The following PACRG variants were observed in gnomAD, a reference collection of about 807,000 sequenced individuals.
PACRG encodes parkin coregulated, also known as parkin coregulated gene protein.
In PACRG, 29 loss-of-function variants were observed where a neutral mutation model predicts 29.7. That is an observed-to-expected ratio of 0.98 (90% CI 0.73 to 1.33). The LOEUF (loss-of-function observed/expected upper bound fraction) is 1.33. Ranked by LOEUF, PACRG falls within the 40% of genes most tolerant of loss-of-function variation. The pLI is 0.00. For missense variants in PACRG, 279 were observed against 316.2 expected (o/e 0.88, Z 0.89); for synonymous variants, 116 against 118.7 (o/e 0.98, Z 0.15).
intron 2 of PACRG, among the ~76,000 whole-genome samples, chr6:162,855,391 T>A (rs190815951): frequency 6.6e-6 from 1 of 152,318 alleles, no homozygotes; most frequent in Admixed American, 6.5e-5. Context: ...TTATAGACAC[T>A]CTTCTTTTTT....
At chr6:163,048,403 C>T (rs564195181) in intron 2 of PACRG, among the ~76,000 whole-genome samples, 1 of 152,224 alleles carries the variant, frequency 6.6e-6, no homozygotes, top group South Asian at 2.1e-4. Context: ...TTCCTTTAAT[C>T]TAAAAATGTA....
At chr6:163,102,197 T>TACCTTCTAACCA (rs1815133928) in intron 4 of PACRG, among the ~76,000 whole-genome samples, 1 of 152,170 alleles carries the variant, frequency 6.6e-6, no homozygotes, top group Admixed American at 6.5e-5. Context: ...CCTGCAAACT[T>TACCTTCTAACCA]TATGTTCCTT....
intron 4 of PACRG, among the ~76,000 whole-genome samples, chr6:163,178,936 C>T (rs1345033617): frequency 6.6e-6 from 1 of 152,202 alleles, no homozygotes; most frequent in African/African-American, 2.4e-5. Context: ...TTACAAGTAA[C>T]AATTCCTATT....
intron 2 of PACRG, among the ~76,000 whole-genome samples, chr6:162,904,947 G>A (rs991552194): frequency 6.6e-6 from 1 of 152,204 alleles, no homozygotes; most frequent in African/African-American, 2.4e-5. Flanking sequence ...GGGAGGGGAA[G>A]AGTGATCTAG....
chr6:163,149,279 GGCCCTC>G (rs1261370931), intron 4 of PACRG, among the ~76,000 whole-genome samples: 5 of 151,992 alleles, frequency 3.3e-5, no homozygotes, highest in Non-Finnish European at 7.4e-5. Context: ...CCCAGGCCCC[GGCCCTC>G]CCCAGGCCTC....
At chr6:163,095,795 T>G (rs1222011747) in intron 4 of PACRG, among the ~76,000 whole-genome samples, 1 of 152,210 alleles carries the variant, frequency 6.6e-6, no homozygotes, top group East Asian at 1.9e-4. Context: ...TACTTTATCT[T>G]AACTACTTTC....
chr6:163,068,336 C>T (rs907712117), intron 3 of PACRG, among the ~76,000 whole-genome samples: 4 of 152,250 alleles, frequency 2.6e-5, no homozygotes, highest in East Asian at 1.9e-4. Context: ...ATGTCTCTAT[C>T]GCCTCCAGAG....
At chr6:162,796,097 A>G (rs1584385122) in intron 1 of PACRG, among the ~76,000 whole-genome samples, 3 of 152,144 alleles carry the variant, frequency 2.0e-5, no homozygotes, top group African/African-American at 7.2e-5. Context: ...AGTGCCTCCA[A>G]TAAGAATATT....
chr6:163,080,081 G>A (rs1461468020), intron 3 of PACRG, among the ~76,000 whole-genome samples: 1 of 151,472 alleles, frequency 6.6e-6, no homozygotes, highest in African/African-American at 2.4e-5. Context: ...TGTATTTTTA[G>A]TAGAGACGGG....
At chr6:163,031,431 T>C (rs933945115) in intron 2 of PACRG, among the ~76,000 whole-genome samples, 3 of 152,208 alleles carry the variant, frequency 2.0e-5, no homozygotes, top group African/African-American at 7.2e-5. Context: ...CTGGTTGGTT[T>C]GCAGGAATAA....
rs554582777 is a variant in PACRG, at chr6:163,100,825, A to G, written c.613+11417A>G. On this transcript the variant is annotated intron_variant, in intron 4 of 4. Coordinates refer to ENST00000366888, the MANE Select transcript of PACRG (RefSeq NM_001080379.2). Reference sequence around the variant, plus strand: ...AATAAATGTGGAGTTGAAAAATGCAATGGACATATTCTCTAGAAAAACTGC... The same window carrying G: ...AATAAATGTGGAGTTGAAAAATGCAGTGGACATATTCTCTAGAAAAACTGC... The G allele has an allele frequency of 3.4e-5, 33 of 985,054 alleles. No homozygotes were observed. The South Asian group carries it at 7.5e-4, about 22-fold the overall frequency. The allele number at this position is 985,054 out of a possible 1,614,324, so 61.0% of individuals were successfully genotyped here. A position where few individuals can be genotyped will look rare whatever the true frequency, so the allele number is the denominator to read the frequency against.
At chr6:162,806,416 G>A (rs1239130487) in intron 1 of PACRG, among the ~76,000 whole-genome samples, 15 of 146,442 alleles carry the variant, frequency 1.0e-4, no homozygotes, top group Non-Finnish European at 1.9e-4. Context: ...GGCCTAAAAT[G>A]TATTTCTTAA....
chr6:162,791,487 A>G (rs2128327074), intron 1 of PACRG, among the ~76,000 whole-genome samples: 1 of 152,176 alleles, frequency 6.6e-6, no homozygotes, highest in South Asian at 2.1e-4. Context: ...CAAACAATGT[A>G]TTTATAGATT....
At chr6:163,164,370 C>T (rs956066115) in intron 4 of PACRG, among the ~76,000 whole-genome samples, 10 of 152,292 alleles carry the variant, frequency 6.6e-5, no homozygotes, top group South Asian at 2.1e-4. Context: ...ATATCCTCTA[C>T]GTTGGCCTCT....
chr6:163,175,522 T>G (rs1224923983), intron 4 of PACRG, among the ~76,000 whole-genome samples: 1 of 151,932 alleles, frequency 6.6e-6, no homozygotes, highest in Non-Finnish European at 1.5e-5. Context: ...TTCTTTCTGG[T>G]GGGATGCCAC....
Position 163,314,957 on chromosome 6 carries a change from C to G in PACRG, c.744C>G (p.Val248=), listed in dbSNP as rs374668172. 23 of 1,613,926 alleles carry G rather than the reference C, an allele frequency of 1.4e-5. No individual in the cohort carries two copies. In the African/African-American group the frequency reaches 2.5e-4, roughly 18 times the overall value. The change falls in exon 5 of 5, where the codon GTC becomes GTG. Residue 248 remains valine, a synonymous_variant. Coordinates refer to ENST00000366888, the MANE Select transcript of PACRG (RefSeq NM_001080379.2). ...CCTTTATCAACATTAAGTACGTGGT[C>G]CCAACCTACGAGTCTTGCTTGCTAA... is the stretch of plus-strand genomic sequence containing the variant. ...ENAFINIKYV[V]PTYESCLLN is the part of the protein sequence containing the mutation.
chr6:163,212,805 A>G (rs1781205187), intron 4 of PACRG, among the ~76,000 whole-genome samples: 2 of 147,940 alleles, frequency 1.4e-5, no homozygotes, highest in Non-Finnish European at 3.0e-5. Flanking sequence ...TTTGAGACGG[A>G]GTCTCGCTCA....
chr6:162,757,371 C>A (rs1391352002), intron 1 of PACRG, among the ~76,000 whole-genome samples: 1 of 152,062 alleles, frequency 6.6e-6, no homozygotes, highest in African/African-American at 2.4e-5. Flanking sequence ...AACATGGGGG[C>A]CACACACTGT....
rs546773121 is a variant in PACRG, at chr6:162,953,439, A to G, written c.292-108711A>G. Reference sequence around the variant, plus strand: ...ACTTAGAAGATAATACTGTAAACTAATGATTATTAAATAAAATCAACCTTT... The same window carrying G: ...ACTTAGAAGATAATACTGTAAACTAGTGATTATTAAATAAAATCAACCTTT... On this transcript the variant is annotated intron_variant, in intron 2 of 4. Coordinates refer to ENST00000366888, the MANE Select transcript of PACRG (RefSeq NM_001080379.2). 2.6e-5 allele frequency among the ~76,000 whole-genome samples: 4 copies of G among 152,318 alleles called. No homozygotes were observed. In the South Asian group the frequency reaches 8.3e-4, roughly 32 times the overall value.
Sources: gnomAD v4.1 joint callset for allele counts (sites outside exome capture counted in the v4.1 genomes callset) on GRCh38, gnomAD v4.1.1 for gene constraint, MANE v1.5 for transcripts, NCBI Gene and HGNC (gene_info 2026-07-23, HGNC 2026-07-21) for gene names.